Variants in DEPTOR observed in about 807,000 individuals in gnomAD.
The protein encoded by DEPTOR is DEP domain containing MTOR interacting protein.
A neutral mutation model predicts 41.6 loss-of-function variants in DEPTOR; 41 were observed. That is an observed-to-expected ratio of 0.98 (90% confidence interval 0.77 to 1.28). The LOEUF (loss-of-function observed/expected upper bound fraction) is 1.28. Ranked by LOEUF, DEPTOR falls within the 50% of genes most tolerant of loss-of-function variation. The probability of loss-of-function intolerance (pLI) is 0.00; values close to 1 mark genes in which losing one functional copy is unlikely to be tolerated. For synonymous variants in DEPTOR, 195 were observed against 192.3 expected, an observed-to-expected ratio of 1.01 and a Z score of -0.12; for missense variants, 514 against 527.9, an observed-to-expected ratio of 0.97 and a Z score of 0.26.
intron 3 of DEPTOR, among the ~76,000 whole-genome samples, chr8:119,945,809 G>A (rs919046691): frequency 2.0e-5 from 3 of 152,168 alleles, no homozygotes; most frequent in African/African-American, 4.8e-5. Context: ...GAAGGCACAC[G>A]GGTCAGCGTT....
intron 6 of DEPTOR, among the ~76,000 whole-genome samples, chr8:120,006,342 G>T (rs1812437214): frequency 6.6e-6 from 1 of 152,010 alleles, no homozygotes; most frequent in South Asian, 2.1e-4. Context: ...TGGCCAACAT[G>T]GTGAAACCCT....
chr8:119,918,503 C>T (rs1279485859), intron 1 of DEPTOR, among the ~76,000 whole-genome samples: 1 of 152,008 alleles, frequency 6.6e-6, no homozygotes, highest in Admixed American at 6.6e-5. Context: ...TCTTGTTGCC[C>T]AGGCTGGAGT....
rs75611924 is a variant in DEPTOR, at chr8:119,907,727, C to G, written c.123-20673C>G. On this transcript the variant is annotated intron_variant, in intron 1 of 8. Transcript: ENST00000286234. ...AGAATCCCTTGAAGGTTGCAGTGAA[C>G]TGAGATCATGCCACTGCACTCTGGC... is the stretch of plus-strand genomic sequence containing the variant. 1.2e-3 allele frequency among the ~76,000 whole-genome samples: 181 copies of G among 152,162 alleles called. 2 individuals carry two copies. The East Asian group carries it at 0.031, about 26-fold the overall frequency.
At chr8:119,891,108 C>T (rs1827446546) in intron 1 of DEPTOR, 1 of 151,966 alleles carries the variant, frequency 6.6e-6, no homozygotes, top group Non-Finnish European at 1.5e-5. Context: ...GGCAGTGGTG[C>T]AATCTTGGCT....
intron 1 of DEPTOR, among the ~76,000 whole-genome samples, chr8:119,887,881 C>T (rs368210803): frequency 6.6e-6 from 1 of 152,168 alleles, no homozygotes; most frequent in African/African-American, 2.4e-5. Flanking sequence ...AGTGCAGGGG[C>T]ATGATCACAG....
chr8:120,007,798 G>A (rs59835121), intron 7 of DEPTOR, among the ~76,000 whole-genome samples: 175 of 152,214 alleles, frequency 1.1e-3, no homozygotes, highest in African/African-American at 4.1e-3. Context: ...CTCCACCTTC[G>A]GAAGTGAAAT....
intron 1 of DEPTOR, among the ~76,000 whole-genome samples, chr8:119,880,021 A>T (rs547607235): frequency 6.6e-6 from 1 of 151,768 alleles, no homozygotes; most frequent in Non-Finnish European, 1.5e-5. Context: ...AGGCACCTAT[A>T]GTCCCAGCTA....
At chr8:119,991,109 TTTCTTTC>T (rs1812166515) in intron 4 of DEPTOR, among the ~76,000 whole-genome samples, 1 of 78,856 alleles carries the variant, frequency 1.3e-5, no homozygotes, top group African/African-American at 4.3e-5. Context: ...TCTTTCTTTC[TTTCTTTC>T]TTTTTTTTTT....
chr8:120,019,981 C>T (rs1284293638), intron 8 of DEPTOR, among the ~76,000 whole-genome samples: 2 of 152,144 alleles, frequency 1.3e-5, no homozygotes, highest in African/African-American at 2.4e-5. Flanking sequence ...TTCACCTTCA[C>T]CCCGGTATCC....
intron 8 of DEPTOR, among the ~76,000 whole-genome samples, chr8:120,020,832 G>T (rs1812692765): frequency 6.6e-6 from 1 of 152,144 alleles, no homozygotes; most frequent in African/African-American, 2.4e-5. Flanking sequence ...GCCGAGGCAG[G>T]TGGATTACTA....
chr8:120,021,602 AAGGGG>A, intron 8 of DEPTOR, among the ~76,000 whole-genome samples: 1 of 152,280 alleles, frequency 6.6e-6, no homozygotes, highest in African/African-American at 2.4e-5. Flanking sequence ...TAGTAGCTAA[AAGGGG>A]ATAACAGAGG....
chr8:119,950,975 A>T (rs1057196500), intron 3 of DEPTOR, among the ~76,000 whole-genome samples: 1 of 152,126 alleles, frequency 6.6e-6, no homozygotes, highest in Non-Finnish European at 1.5e-5. Flanking sequence ...TGGGAGGCCA[A>T]GGTGGTAGGA....
intron 1 of DEPTOR, among the ~76,000 whole-genome samples, chr8:119,922,705 A>T (rs1402131331): frequency 6.6e-6 from 1 of 152,242 alleles, no homozygotes; most frequent in East Asian, 1.9e-4. Context: ...ACATAGATGC[A>T]TAAGATTATC....
chr8:119,941,932 A>T (rs1369042889), intron 3 of DEPTOR, among the ~76,000 whole-genome samples: 1 of 152,198 alleles, frequency 6.6e-6, no homozygotes, highest in Non-Finnish European at 1.5e-5. Context: ...AACGGTATGC[A>T]GCTTAATCAA....
chr8:119,930,921 G>T (rs76379317), intron 3 of DEPTOR, among the ~76,000 whole-genome samples: 6,217 of 152,088 alleles, frequency 0.041, 179 homozygotes, highest in Non-Finnish European at 0.064. Context: ...TGAAAAATAC[G>T]TATTTATCGG....
chr8:119,977,248 C>A (rs12678916), intron 4 of DEPTOR, among the ~76,000 whole-genome samples: 113,145 of 151,990 alleles, frequency 0.74, 42,157 homozygotes, highest in Middle Eastern at 0.87. Context: ...AGTGATCCGC[C>A]CGCCCTAGCC....
At chr8:120,036,155 G>A (rs2130186420) in intron 8 of DEPTOR, among the ~76,000 whole-genome samples, 1 of 152,288 alleles carries the variant, frequency 6.6e-6, no homozygotes, top group African/African-American at 2.4e-5. Context: ...TACCAAGAGG[G>A]AGCCTAGATC....
At chr8:119,940,134 T>C (rs1563971250) in intron 3 of DEPTOR, among the ~76,000 whole-genome samples, 1 of 151,774 alleles carries the variant, frequency 6.6e-6, no homozygotes, top group East Asian at 2.0e-4. Flanking sequence ...GGAGAATCGC[T>C]TGAACGCAGG....
At position 119,887,974 on chromosome 8, in the gene DEPTOR, C is replaced by A. The variant is rs117073195; in HGVS notation, c.122+14006C>A. On this transcript the variant is annotated intron_variant, in intron 1 of 8. Coordinates refer to ENST00000286234, the MANE Select transcript of DEPTOR (RefSeq NM_022783.4). Reference sequence around the variant, plus strand: ...AGCTGGGACTACAGGTGTGTGCCAACACACCTGGCTAATTTTTTTAATTTT... The same window carrying A: ...AGCTGGGACTACAGGTGTGTGCCAAAACACCTGGCTAATTTTTTTAATTTT... Among the ~76,000 whole-genome samples, 7 of 152,072 alleles carry A rather than the reference C, an allele frequency of 4.6e-5. No homozygotes were observed. The South Asian group carries it at 1.5e-3, about 32-fold the overall frequency.
Sources: allele counts gnomAD v4.1 joint callset (sites outside exome capture counted in the v4.1 genomes callset), GRCh38; gene constraint gnomAD v4.1.1; transcripts MANE v1.5; gene names NCBI Gene and HGNC (gene_info 2026-07-23, HGNC 2026-07-21).